Variants in SEPTIN9 observed in about 807,000 individuals in gnomAD.
The protein encoded by SEPTIN9 is septin 9.
SEPTIN9 carries 13 observed loss-of-function variants against 56.6 expected under a neutral mutation model. The ratio of observed to expected loss-of-function variants is 0.23; its 90% CI spans 0.15 to 0.37. SEPTIN9 has a LOEUF of 0.37. Ranked by LOEUF, SEPTIN9 falls within the 10% of genes least tolerant of loss-of-function variation. The pLI is 1.00. For missense variants in SEPTIN9, 650 were observed against 823.1 expected (o/e 0.79, Z 2.57); for synonymous variants, 332 against 334.1 (o/e 0.99, Z 0.07).
chr17:77,307,314 A>G (rs1490665717), intron 2 of SEPTIN9, 117 bp downstream of exon 2: 2 of 945,602 alleles, frequency 2.1e-6, no homozygotes, highest in East Asian at 4.8e-5. Flanking sequence ...GAGTGGGGCC[A>G]CTTGCCCATT....
At chr17:77,407,637 C>T (rs74000232) in intron 3 of SEPTIN9, among the ~76,000 whole-genome samples, 2 of 152,056 alleles carry the variant, frequency 1.3e-5, no homozygotes, top group South Asian at 2.1e-4. Context: ...GGAAGAGAGG[C>T]GCTGCAGAGG....
chr17:77,319,979 C>A lies in SEPTIN9; in HGVS notation c.76+12782C>A. ...GGCGGCCGGGACTCTGGGACTCTCGCAGGCAGACCCGGTGGTCTGCCGGAC... is the reference window on the plus strand; with the variant it reads ...GGCGGCCGGGACTCTGGGACTCTCGAAGGCAGACCCGGTGGTCTGCCGGAC... On this transcript the variant is annotated intron_variant, in intron 2 of 11. Transcript: ENST00000427177. The surrounding 1 kb of genome is among the most constrained non-coding windows in gnomAD (Gnocchi z 5.3). 8.2e-7 allele frequency: 1 copy of A among 1,221,178 alleles called. No homozygotes were observed. The highest frequency in any genetic ancestry group is 3.7e-5 in the East Asian group (1 of 26,760). The allele number at this position is 1,221,178 out of a possible 1,614,324, so 75.6% of individuals were successfully genotyped here.
At chr17:77,486,716 T>C (rs1405921579) in intron 4 of SEPTIN9, among the ~76,000 whole-genome samples, 2 of 152,084 alleles carry the variant, frequency 1.3e-5, no homozygotes, top group East Asian at 3.9e-4. Flanking sequence ...TGAATGCTAC[T>C]TCCTCATCCT....
intron 3 of SEPTIN9, among the ~76,000 whole-genome samples, chr17:77,423,827 G>A (rs527274881): frequency 3.9e-5 from 6 of 152,346 alleles, no homozygotes; most frequent in Admixed American, 2.0e-4. Flanking sequence ...GCAGAGTAGG[G>A]GAAGGTCAGA....
At position 77,429,948 on chromosome 17, in the gene SEPTIN9, A is replaced by G. The variant is rs932685085; in HGVS notation, c.721+27245A>G. On this transcript the variant is annotated intron_variant, in intron 3 of 11. Transcript: ENST00000427177. The surrounding 1 kb of genome is among the most constrained non-coding windows in gnomAD (Gnocchi z 5.2). ...CTTCTGGGTTCCATGGGCGCCTTAC[A>G]CTGGCTTCCCTGTAGGACAGCAGAC... Among the ~76,000 whole-genome samples the G allele has an allele frequency of 7.2e-5, 11 of 152,120 alleles. No individual in the cohort carries two copies. Among genetic ancestry groups the G allele is most frequent in the Admixed American group, 1.3e-4 (2 of 15,286 alleles).
At chr17:77,460,854 A>G (rs1258211643) in intron 3 of SEPTIN9, among the ~76,000 whole-genome samples, 1 of 152,100 alleles carries the variant, frequency 6.6e-6, no homozygotes, top group Non-Finnish European at 1.5e-5. Flanking sequence ...GACCTTGGGG[A>G]TGAGTTGAGT....
chr17:77,390,421 G>A (rs1199932637), intron 2 of SEPTIN9, among the ~76,000 whole-genome samples: 4 of 125,358 alleles, frequency 3.2e-5, no homozygotes, highest in African/African-American at 1.3e-4. Context: ...TCATGTTTCA[G>A]AGGTAAAAAA....
chr17:77,331,517 C>G (rs2033357164), intron 2 of SEPTIN9, among the ~76,000 whole-genome samples: 1 of 152,166 alleles, frequency 6.6e-6, no homozygotes, highest in Non-Finnish European at 1.5e-5. Flanking sequence ...ACCCGCCCAG[C>G]CTGGGCAGGG....
Position 77,445,080 on chromosome 17 carries a change from C to A in SEPTIN9, c.722-37064C>A. On this transcript the variant is annotated intron_variant, in intron 3 of 11. Transcript: ENST00000427177. The surrounding 1 kb of genome is among the most constrained non-coding windows in gnomAD (Gnocchi z 4.7). The stretch of plus-strand genomic sequence containing the variant: ...GAAAATGTGCAGAGGCCCCTCTGTC[C>A]CACCATGCCTGCCTGGGGACGGCCT... The A allele has an allele frequency of 2.3e-6, 1 of 432,438 alleles. No individual in the cohort carries two copies. The highest frequency in any genetic ancestry group is 4.9e-6 in the Non-Finnish European group (1 of 206,166). 26.8% of individuals were successfully genotyped at this position (432,438 alleles called of 1,614,324 possible).
intron 3 of SEPTIN9, among the ~76,000 whole-genome samples, chr17:77,457,011 C>T (rs1176937445): frequency 6.6e-6 from 1 of 152,240 alleles, no homozygotes; most frequent in Admixed American, 6.5e-5. Flanking sequence ...TAAGCCATCA[C>T]TGCGGTCTCA....
At position 77,421,603 on chromosome 17, in the gene SEPTIN9, G is replaced by T. The variant is rs1481680110; in HGVS notation, c.721+18900G>T. Among the ~76,000 whole-genome samples the T allele has an allele frequency of 1.3e-5, 2 of 152,220 alleles. No individual in the cohort carries two copies. Among genetic ancestry groups the T allele is most frequent in the Non-Finnish European group, 2.9e-5 (2 of 68,032 alleles). ...ATGTCCCAGAATGCACCCTCTGCGT[G>T]TACAGGGATGGCTTTTGGGCCATTC... On this transcript the variant is annotated intron_variant, in intron 3 of 11. Transcript: ENST00000427177. The surrounding 1 kb of genome is among the most constrained non-coding windows in gnomAD (Gnocchi z 4.6).
At chr17:77,333,179 C>G (rs193044394) in intron 2 of SEPTIN9, among the ~76,000 whole-genome samples, 1 of 152,210 alleles carries the variant, frequency 6.6e-6, no homozygotes, top group Non-Finnish European at 1.5e-5. Context: ...GTGGTATCAT[C>G]TCATTATGGC....
intron 11 of SEPTIN9, among the ~76,000 whole-genome samples, chr17:77,497,953 G>A (rs1218733554): frequency 1.3e-5 from 2 of 152,076 alleles, no homozygotes; most frequent in African/African-American, 4.8e-5. Flanking sequence ...GGGGGATTCC[G>A]GGAGCCGTTC....
intron 3 of SEPTIN9, among the ~76,000 whole-genome samples, chr17:77,410,714 TAAAC>T (rs1228397169): frequency 1.3e-5 from 2 of 152,322 alleles, no homozygotes; most frequent in African/African-American, 4.8e-5. Context: ...GGATTCGTGT[TAAAC>T]AAGCACATAA....
At chr17:77,351,371 G>GT (rs2034059917) in intron 2 of SEPTIN9, among the ~76,000 whole-genome samples, 1 of 152,182 alleles carries the variant, frequency 6.6e-6, no homozygotes, top group Non-Finnish European at 1.5e-5. Flanking sequence ...CCATGTTTTT[G>GT]TTGCTGCTCG....
intron 10 of SEPTIN9, among the ~76,000 whole-genome samples, chr17:77,495,064 G>T (rs1303674933): frequency 6.6e-6 from 1 of 152,206 alleles, no homozygotes; most frequent in African/African-American, 2.4e-5. Flanking sequence ...GAGAGTTAGG[G>T]ATGGATGGGC....
intron 3 of SEPTIN9, among the ~76,000 whole-genome samples, chr17:77,431,620 C>T (rs542038360): frequency 1.8e-4 from 28 of 151,864 alleles, no homozygotes; most frequent in Non-Finnish European, 2.5e-4. Context: ...CTTGAGCCCA[C>T]GAGTTTGAGA....
chr17:77,319,482 G>A lies in SEPTIN9; in HGVS notation c.76+12285G>A, dbSNP rs1406701177. On this transcript the variant is annotated intron_variant, in intron 2 of 11. Transcript: ENST00000427177. The surrounding 1 kb of genome is among the most constrained non-coding windows in gnomAD (Gnocchi z 5.3). The stretch of plus-strand genomic sequence containing the variant: ...GAATCTTCCAGGAAGTCCCCGTCCC[G>A]TTCGCCCTCTCTGCCTGGGCGGGGA... 5.3e-6 allele frequency: 5 copies of A among 943,616 alleles called. No individual in the cohort carries two copies. Among genetic ancestry groups the A allele is most frequent in the South Asian group, 5.0e-5 (1 of 19,936 alleles). 58.5% of individuals were successfully genotyped at this position (943,616 alleles called of 1,614,324 possible).
rs528984875 is a variant in SEPTIN9 at position 77,456,080 on chromosome 17, C to T, written c.722-26064C>T. Among the ~76,000 whole-genome samples, 2 of 151,706 alleles carry T rather than the reference C, an allele frequency of 1.3e-5. No homozygotes were observed. Among genetic ancestry groups the T allele is most frequent in the South Asian group, 2.1e-4 (1 of 4,812 alleles). On this transcript the variant is annotated intron_variant, in intron 3 of 11. Transcript: ENST00000427177. The surrounding 1 kb of genome is among the most constrained non-coding windows in gnomAD (Gnocchi z 6.0). ...TCTTTTGTGCCTTGTGTGCTGGGGC[C>T]GGAGGAAACACTGCCCGTGGCCGGT...
Sources: gnomAD v4.1 joint callset for allele counts (sites outside exome capture counted in the v4.1 genomes callset) on GRCh38, gnomAD v4.1.1 for gene constraint, Gnocchi (gnomAD v3.1) non-coding constraint, MANE v1.5 for transcripts, NCBI Gene and HGNC (gene_info 2026-07-23, HGNC 2026-07-21) for gene names.